Variants in DDX1 observed in about 807,000 individuals in gnomAD.
The protein encoded by DDX1 is ATP-dependent RNA helicase DDX1.
A neutral mutation model predicts 108.7 loss-of-function variants in DDX1; 28 were observed. The ratio of observed to expected loss-of-function variants is 0.26; its 90% CI spans 0.19 to 0.35. The LOEUF (loss-of-function observed/expected upper bound fraction) is 0.35. DDX1 is among the 10% of genes least tolerant of loss of function. The pLI is 1.00. For missense variants in DDX1, 710 were observed against 884.5 expected, an observed-to-expected ratio of 0.80 and a Z score of 2.50; for synonymous variants, 295 against 288.9, an observed-to-expected ratio of 1.02 and a Z score of -0.21.
chr2:15,602,004 A>C (rs928184381), intron 6 of DDX1, among the ~76,000 whole-genome samples: 5 of 152,200 alleles, frequency 3.3e-5, no homozygotes, highest in Admixed American at 2.6e-4. Context: ...TTATTTATTC[A>C]TGCTTTCTCC....
At chr2:15,614,890 GATAAT>G (rs1316238754) in intron 14 of DDX1, among the ~76,000 whole-genome samples, 1 of 152,178 alleles carries the variant, frequency 6.6e-6, no homozygotes, top group African/African-American at 2.4e-5. Context: ...TTTCCCATAA[GATAAT>G]ATGTTTCTCA....
chr2:15,604,354 C>T, intron 9 of DDX1, 83 bp from the exon 10 acceptor site: 4 of 877,718 alleles, frequency 4.6e-6, no homozygotes, highest in Non-Finnish European at 7.3e-6. Context: ...TATTTTGAAA[C>T]ACATACTTTT....
chr2:15,625,625 G>A (rs1485492344), intron 19 of DDX1, among the ~76,000 whole-genome samples: 1 of 152,122 alleles, frequency 6.6e-6, no homozygotes, highest in East Asian at 1.9e-4. Context: ...TCTAGGTGGT[G>A]GATATACAAC....
At chr2:15,626,253 A>G (rs1196965407) in intron 19 of DDX1, among the ~76,000 whole-genome samples, 3 of 152,138 alleles carry the variant, frequency 2.0e-5, no homozygotes, top group Admixed American at 2.0e-4. Flanking sequence ...AACCACTTGA[A>G]TGCAGGATGC....
At chr2:15,611,111 A>G (rs1221752327) in intron 13 of DDX1, among the ~76,000 whole-genome samples, 11 of 149,550 alleles carry the variant, frequency 7.4e-5, no homozygotes, top group African/African-American at 1.5e-4. Context: ...GCCTTCAAGC[A>G]TCTGTTTAAC....
At chr2:15,592,050 C>A (rs1665421956) in intron 1 of DDX1, 101 bp downstream of exon 1, 16 of 1,129,998 alleles carry the variant, frequency 1.4e-5, no homozygotes, top group Non-Finnish European at 1.9e-5. Context: ...GGACAGGGGT[C>A]AGGGAGACAG....
rs757439177 is a variant in DDX1, at chr2:15,599,706, A to G, written c.297A>G (p.Gly99=). 1 of 1,609,052 alleles carries G rather than the reference A, an allele frequency of 6.2e-7. No homozygotes were observed. The highest frequency in any genetic ancestry group is 2.2e-5 in the East Asian group (1 of 44,630). The change falls in exon 6 of 26, where the codon GGA becomes GGG. Residue 99 remains glycine, a synonymous_variant. Transcript: ENST00000233084. The part of the protein sequence containing the change: ...NKWQMNPYDR[G]SAFAIGSDGL... Reference sequence around the variant, plus strand: ...GGCAGATGAACCCATATGACAGAGGATCTGCTTTTGGTAAGTGGATAGACT... The same window carrying G: ...GGCAGATGAACCCATATGACAGAGGGTCTGCTTTTGGTAAGTGGATAGACT...
At chr2:15,627,955 T>C (rs1440525513) in intron 20 of DDX1, among the ~76,000 whole-genome samples, 1 of 152,166 alleles carries the variant, frequency 6.6e-6, no homozygotes, top group East Asian at 1.9e-4. Context: ...ACAAATGACA[T>C]TGAAAGGCTA....
At chr2:15,624,583 G>A (rs1666068022) in intron 19 of DDX1, among the ~76,000 whole-genome samples, 1 of 152,164 alleles carries the variant, frequency 6.6e-6, no homozygotes, top group African/African-American at 2.4e-5. Context: ...ACTATCACGA[G>A]AACAGCATGA....
At chr2:15,624,551 C>G (rs1262274689) in intron 19 of DDX1, among the ~76,000 whole-genome samples, 1 of 152,174 alleles carries the variant, frequency 6.6e-6, no homozygotes, top group Non-Finnish European at 1.5e-5. Context: ...ATAAAACCAT[C>G]AGATCTCATG....
At position 15,629,981 on chromosome 2, in the gene DDX1, ATTAC is replaced by A; in HGVS notation, c.1972-5_1972-2del. ...ATTTTTATTTGGAAATTTTCTCTCC[ATTAC>A]TTAGTTACTATCTGAGATAGAAGAA... is the stretch of plus-strand genomic sequence containing the variant. On this transcript the variant is annotated splice_polypyrimidine_tract_variant and splice_region_variant and intron_variant, in intron 24 of 25. Coordinates refer to ENST00000233084, the MANE Select transcript of DDX1 (RefSeq NM_004939.3). The A allele has an allele frequency of 6.3e-7, 1 of 1,579,768 alleles. No homozygotes were observed. Among genetic ancestry groups the A allele is most frequent in the Non-Finnish European group, 8.6e-7 (1 of 1,168,994 alleles).
intron 19 of DDX1, among the ~76,000 whole-genome samples, chr2:15,625,663 T>TG (rs1215262670): frequency 6.6e-6 from 1 of 152,100 alleles, no homozygotes; most frequent in African/African-American, 2.4e-5. Context: ...ATTTCAGTGT[T>TG]GCTACGTGTT....
rs149648059 is a variant in DDX1 at position 15,602,270 on chromosome 2, T to C, written c.308-278T>C. 5.2e-3 allele frequency among the ~76,000 whole-genome samples: 790 copies of C among 152,332 alleles called. 5 individuals carry two copies. Among genetic ancestry groups the C allele is most frequent in the Non-Finnish European group, 7.8e-3 (531 of 68,036 alleles). On this transcript the variant is annotated intron_variant, in intron 6 of 25. Transcript: ENST00000233084. Reference sequence around the variant, plus strand: ...GAGCTGTGTTGAATCCTTTCTAGACTTGTTGCTGTAAAATCTTACCTTAGT... The same window carrying C: ...GAGCTGTGTTGAATCCTTTCTAGACCTGTTGCTGTAAAATCTTACCTTAGT...
rs79130429 is a variant in DDX1, at chr2:15,622,255, C to A, written c.1447+1139C>A. 6.9e-3 allele frequency among the ~76,000 whole-genome samples: 1,056 copies of A among 152,318 alleles called. 13 individuals are homozygous for A. The highest frequency in any genetic ancestry group is 0.024 in the African/African-American group (1,001 of 41,566). ...CATTCATATTGTTGTACAATCATCA[C>A]CACTGTCCATCTCCAGAACTTTTTC... On this transcript the variant is annotated intron_variant, in intron 18 of 25. Transcript: ENST00000233084.
intron 16 of DDX1, 41 bp from the exon 17 acceptor site, chr2:15,620,154 TTTATTAATTATTA>T: frequency 1.4e-6 from 2 of 1,475,018 alleles, no homozygotes; most frequent in Non-Finnish European, 1.9e-6. Flanking sequence ...GTTTGTGTGA[TTTATTAATTATTA>T]TTATAAAAGT....
In DDX1 at chr2:15,603,922, A is replaced by G. The variant is rs375565209; in HGVS notation, c.552+32A>G. The stretch of plus-strand genomic sequence containing the variant: ...GATTATGTTATGACTTCAACATAGC[A>G]TAAGTAAGTTTTCTTGCATACTTAA... On this transcript the variant is annotated intron_variant, in intron 9 of 25. Transcript: ENST00000233084. 1.2e-5 allele frequency: 18 copies of G among 1,443,380 alleles called. No individual in the cohort carries two copies. The African/African-American group carries it at 2.0e-4, about 16-fold the overall frequency. 89.4% of individuals were successfully genotyped at this position (1,443,380 alleles called of 1,614,324 possible).
At position 15,618,263 on chromosome 2, in the gene DDX1, G is replaced by C. The variant is rs146515867; in HGVS notation, c.1199G>C (p.Arg400Thr). ...QIPQVTSDGK[R>T]LQVIVCSATL... Reference sequence around the variant, plus strand: ...CCTCAGGTTACCTCTGATGGAAAAAGACTTCAGGTATAAAATTTATCAATG... The same window carrying C: ...CCTCAGGTTACCTCTGATGGAAAAACACTTCAGGTATAAAATTTATCAATG... The change falls in exon 16 of 26, where the codon AGA becomes ACA. Residue 400 changes from arginine (R) to threonine (T), a missense_variant. Coordinates refer to ENST00000233084, the MANE Select transcript of DDX1 (RefSeq NM_004939.3). 65 of 1,533,712 alleles carry C rather than the reference G, an allele frequency of 4.2e-5. No individual in the cohort carries two copies. The highest frequency in any genetic ancestry group is 3.4e-4 in the Middle Eastern group (2 of 5,844).
rs199645404 is a variant in DDX1, at chr2:15,628,725, T to C, written c.1832+15T>C. 1.2e-6 allele frequency: 2 copies of C among 1,613,576 alleles called. No homozygotes were observed. The highest frequency in any genetic ancestry group is 4.5e-5 in the East Asian group (2 of 44,860). On this transcript the variant is annotated intron_variant, in intron 22 of 25. Transcript: ENST00000233084. ...AGAGCTGAAAGGTACTTCTGCAATTTTTTTTCCCCCATTTTTAAGCTTGTA... is the reference window on the plus strand; with the variant it reads ...AGAGCTGAAAGGTACTTCTGCAATTCTTTTTCCCCCATTTTTAAGCTTGTA...
intron 9 of DDX1, 70 bp from the exon 10 acceptor site, chr2:15,604,367 T>G: frequency 1.0e-6 from 1 of 981,386 alleles, no homozygotes. Flanking sequence ...ATACTTTTGA[T>G]GCAGCTATAT....
Sources: gnomAD v4.1 joint callset for allele counts (sites outside exome capture counted in the v4.1 genomes callset) on GRCh38, gnomAD v4.1.1 for gene constraint, MANE v1.5 for transcripts, NCBI Gene and HGNC (gene_info 2026-07-23, HGNC 2026-07-21) for gene names.